The following ATXN10 variants were observed in gnomAD, a reference collection of about 807,000 sequenced individuals.
ATXN10 encodes ataxin-10.
Under a neutral mutation model 52.9 loss-of-function variants are expected in ATXN10, and 28 were observed. The ratio of observed to expected loss-of-function variants is 0.53; its 90% CI spans 0.39 to 0.73. ATXN10 has a LOEUF of 0.73. ATXN10 is among the 30% of genes least tolerant of loss of function. The pLI, the probability that ATXN10 is intolerant of heterozygous loss-of-function variation, is 0.00. For missense variants in ATXN10, 565 were observed against 577.0 expected, an observed-to-expected ratio of 0.98 and a Z score of 0.21; for synonymous variants, 226 against 221.5, an observed-to-expected ratio of 1.02 and a Z score of -0.18.
chr22:45,726,180 T>G (rs1257900786), intron 6 of ATXN10, among the ~76,000 whole-genome samples: 1 of 152,106 alleles, frequency 6.6e-6, no homozygotes, highest in Non-Finnish European at 1.5e-5. Flanking sequence ...GTGAATTAGG[T>G]TAGAGTTAGG....
In ATXN10 at chr22:45,835,031, A is replaced by C. The variant is rs1267721414; in HGVS notation, c.1238-7960A>C. On this transcript the variant is annotated intron_variant, in intron 10 of 11. Coordinates refer to ENST00000252934, the MANE Select transcript of ATXN10 (RefSeq NM_013236.4). The surrounding 1 kb of genome is among the most constrained non-coding windows in gnomAD (Gnocchi z 5.0). ...CTGCTTCGTACCACGCTTTGCTTTG[A>C]AGTGGTCAGTAAAATGATTCCAGAG... is the stretch of plus-strand genomic sequence containing the variant. Among the ~76,000 whole-genome samples the C allele has an allele frequency of 6.6e-6, 1 of 152,206 alleles. No individual in the cohort carries two copies. Among genetic ancestry groups the C allele is most frequent in the Non-Finnish European group, 1.5e-5 (1 of 68,036 alleles).
Position 45,823,272 on chromosome 22 carries a change from GT to G in ATXN10, c.1237+16251del. The G allele has an allele frequency of 2.2e-6, 1 of 462,050 alleles. No homozygotes were observed. The highest frequency in any genetic ancestry group is 4.5e-6 in the Non-Finnish European group (1 of 223,672). 28.6% of individuals were successfully genotyped at this position (462,050 alleles called of 1,614,324 possible). On this transcript the variant is annotated intron_variant, in intron 10 of 11. Transcript: ENST00000252934. This position sits in a 1 kb window ranked among gnomAD's most constrained non-coding sequence, Gnocchi z 4.9. ...ATGAATAAAAATTCCCAATTTTAAT[GT>G]AAAATTTATCAGTCTTTCCTTCTAT... is the stretch of plus-strand genomic sequence containing the variant.
chr22:45,760,551 C>T (rs1277912032), intron 9 of ATXN10: 3 of 153,912 alleles, frequency 1.9e-5, no homozygotes, highest in Non-Finnish European at 4.4e-5. Flanking sequence ...GATCAGAAGC[C>T]TTGATCAGAA....
rs911965416 is a variant in ATXN10, at chr22:45,795,297, T to G, written c.1174-11662T>G. Among the ~76,000 whole-genome samples, 1 of 152,214 alleles carries G rather than the reference T, an allele frequency of 6.6e-6. No individual in the cohort carries two copies. Among genetic ancestry groups the G allele is most frequent in the African/African-American group, 2.4e-5 (1 of 41,454 alleles). On this transcript the variant is annotated intron_variant, in intron 9 of 11. Transcript: ENST00000252934. This position sits in a 1 kb window ranked among gnomAD's most constrained non-coding sequence, Gnocchi z 4.6. ...GGCAGAATGATAAACTCAATCATGTTGATAAATATATTAAATGTAAATGGC... is the reference window on the plus strand; with the variant it reads ...GGCAGAATGATAAACTCAATCATGTGGATAAATATATTAAATGTAAATGGC...
Position 45,781,506 on chromosome 22 carries a change from G to A in ATXN10, c.1174-25453G>A, listed in dbSNP as rs1313209816. Among the ~76,000 whole-genome samples the A allele has an allele frequency of 6.6e-6, 1 of 152,192 alleles. No individual in the cohort carries two copies. The highest frequency in any genetic ancestry group is 1.5e-5 in the Non-Finnish European group (1 of 68,040). On this transcript the variant is annotated intron_variant, in intron 9 of 11. Coordinates refer to ENST00000252934, the MANE Select transcript of ATXN10 (RefSeq NM_013236.4). This position sits in a 1 kb window ranked among gnomAD's most constrained non-coding sequence, Gnocchi z 4.2. ...TTGAACGAGCTCTGCTAAAATAGGA[G>A]ACTTAAACTTAAGATTCAGTCTTCT...
chr22:45,703,219 A>G (rs1349128954), intron 5 of ATXN10, among the ~76,000 whole-genome samples: 1 of 152,222 alleles, frequency 6.6e-6, no homozygotes. Context: ...CCTTGTAAGC[A>G]TCTGTGCAGA....
In ATXN10 at chr22:45,844,702, A is replaced by G. The variant is rs1158539691; in HGVS notation, c.*1031A>G. 6.6e-6 allele frequency: 1 copy of G among 152,214 alleles called. No individual in the cohort carries two copies. Among genetic ancestry groups the G allele is most frequent in the Non-Finnish European group, 1.5e-5 (1 of 68,040 alleles). The allele number at this position is 152,214 out of a possible 1,614,324, so 9.4% of individuals were successfully genotyped here. A position where few individuals can be genotyped will look rare whatever the true frequency, so the allele number is the denominator to read the frequency against. Reference sequence around the variant, plus strand: ...AGCTCTAGGGGGAGGTCACGTTGTGAATGCTTAAAACATATTATTTTCTTC... The same window carrying G: ...AGCTCTAGGGGGAGGTCACGTTGTGGATGCTTAAAACATATTATTTTCTTC... On this transcript the variant is annotated 3_prime_UTR_variant, in exon 12 of 12. Transcript: ENST00000252934.
At position 45,824,644 on chromosome 22, in the gene ATXN10, G is replaced by A. The variant is rs1928759630; in HGVS notation, c.1237+17622G>A. Reference sequence around the variant, plus strand: ...AGTTGGGAACAATGACTTACAAAGTGCAGTAAACACATCACATATCCATGG... The same window carrying A: ...AGTTGGGAACAATGACTTACAAAGTACAGTAAACACATCACATATCCATGG... On this transcript the variant is annotated intron_variant, in intron 10 of 11. Coordinates refer to ENST00000252934, the MANE Select transcript of ATXN10 (RefSeq NM_013236.4). The surrounding 1 kb of genome is among the most constrained non-coding windows in gnomAD (Gnocchi z 5.2). Among the ~76,000 whole-genome samples, 1 of 152,218 alleles carries A rather than the reference G, an allele frequency of 6.6e-6. No individual in the cohort carries two copies. Among genetic ancestry groups the A allele is most frequent in the African/African-American group, 2.4e-5 (1 of 41,456 alleles).
At chr22:45,817,642 A>G (rs1340544180) in intron 10 of ATXN10, among the ~76,000 whole-genome samples, 1 of 150,014 alleles carries the variant, frequency 6.7e-6, no homozygotes, top group Non-Finnish European at 1.5e-5. Flanking sequence ...TTTTTTTTTT[A>G]AGTTGTATAG....
chr22:45,740,679 TACACAC>T lies in ATXN10; in HGVS notation c.1173+177_1173+182del, dbSNP rs74268525. ...TAGAGAGATATATATTTTATATGAA[TACACAC>T]ACACACACACACACACACACACACA... On this transcript the variant is annotated intron_variant, in intron 9 of 11. Coordinates refer to ENST00000252934, the MANE Select transcript of ATXN10 (RefSeq NM_013236.4). The T allele has an allele frequency of 0.46, 178,567 of 389,882 alleles. 35,148 individuals are homozygous for T. Among genetic ancestry groups the T allele is most frequent in the East Asian group, 0.51 (9,126 of 17,934 alleles). The allele number at this position is 389,882 out of a possible 1,614,324, so 24.2% of individuals were successfully genotyped here.
Position 45,774,048 on chromosome 22 carries a change from TCAGGTCTTG to T in ATXN10, c.1174-32907_1174-32899del, listed in dbSNP as rs1174972600. On this transcript the variant is annotated intron_variant, in intron 9 of 11. Transcript: ENST00000252934. This position sits in a 1 kb window ranked among gnomAD's most constrained non-coding sequence, Gnocchi z 6.2. ...ATGAAGCCATCAAAACAGCCCCTCT[TCAGGTCTTG>T]CAGACAGAAAGAACCATTTGATGCC... Among the ~76,000 whole-genome samples, 1 of 152,176 alleles carries T rather than the reference TCAGGTCTTG, an allele frequency of 6.6e-6. No homozygotes were observed. Among genetic ancestry groups the T allele is most frequent in the Non-Finnish European group, 1.5e-5 (1 of 68,030 alleles).
rs148992434 is a variant in ATXN10 at position 45,729,566 on chromosome 22, C to G, written c.870C>G (p.Ala290=). ...AGTGCAAGACTGTGCTCAAGCTGGCCTCTGAGGAGCCTCCTGATGATGAGG... is the reference window on the plus strand; with the variant it reads ...AGTGCAAGACTGTGCTCAAGCTGGCGTCTGAGGAGCCTCCTGATGATGAGG... ...VDQCKTVLKL[A]SEEPPDDEEA... The change falls in exon 7 of 12, where the codon GCC becomes GCG. Residue 290 remains alanine (A), a synonymous_variant. Transcript: ENST00000252934. 1.2e-6 allele frequency: 2 copies of G among 1,613,998 alleles called. No individual in the cohort carries two copies. Among genetic ancestry groups the G allele is most frequent in the African/African-American group, 2.7e-5 (2 of 74,906 alleles).
chr22:45,722,494 C>G (rs1924693450), intron 6 of ATXN10, among the ~76,000 whole-genome samples: 1 of 152,194 alleles, frequency 6.6e-6, no homozygotes, highest in South Asian at 2.1e-4. Flanking sequence ...TCATTTCTGA[C>G]TTTGACTGCT....
At chr22:45,778,946 T>A (rs1441358841) in intron 9 of ATXN10, among the ~76,000 whole-genome samples, 1 of 152,204 alleles carries the variant, frequency 6.6e-6, no homozygotes, top group Non-Finnish European at 1.5e-5. Context: ...GTGGAATGGA[T>A]ACAGAGTATC....
chr22:45,778,414 C>T (rs1386564133), intron 9 of ATXN10, among the ~76,000 whole-genome samples: 1 of 152,038 alleles, frequency 6.6e-6, no homozygotes, highest in East Asian at 1.9e-4. Context: ...TACATGCCTC[C>T]TAGGGAGGAT....
At position 45,696,543 on chromosome 22, in the gene ATXN10, C is replaced by T. The variant is rs1043442920; in HGVS notation, c.391+3465C>T. Among the ~76,000 whole-genome samples the T allele has an allele frequency of 5.9e-5, 9 of 152,242 alleles. No individual in the cohort carries two copies. The highest frequency in any genetic ancestry group is 1.9e-4 in the East Asian group (1 of 5,204). ...GTGCTGGATTTCATCGCCACTTGCC[C>T]ACGCAGAAGCTTTTCTCCTGAAATT... On this transcript the variant is annotated intron_variant, in intron 3 of 11. Transcript: ENST00000252934. This position sits in a 1 kb window ranked among gnomAD's most constrained non-coding sequence, Gnocchi z 4.7.
intron 6 of ATXN10, among the ~76,000 whole-genome samples, chr22:45,726,100 G>A (rs765380854): frequency 6.6e-6 from 1 of 152,066 alleles, no homozygotes; most frequent in Non-Finnish European, 1.5e-5. Flanking sequence ...CAGGGATATT[G>A]GTCTGTGGTT....
At chr22:45,674,007 A>C (rs1016612309) in intron 1 of ATXN10, 1 of 152,214 alleles carries the variant, frequency 6.6e-6, no homozygotes, top group African/African-American at 2.4e-5. Context: ...AAGAAGTTAC[A>C]GAGAACCATT....
At chr22:45,714,543 G>A (rs1337188073) in intron 5 of ATXN10, among the ~76,000 whole-genome samples, 2 of 151,796 alleles carry the variant, frequency 1.3e-5, no homozygotes, top group African/African-American at 4.8e-5. Context: ...ACCGCACCTG[G>A]CTGATTAATT....
Sources: allele counts gnomAD v4.1 joint callset (sites outside exome capture counted in the v4.1 genomes callset), GRCh38; gene constraint gnomAD v4.1.1; non-coding constraint Gnocchi (gnomAD v3.1); transcripts MANE v1.5; gene names NCBI Gene and HGNC (gene_info 2026-07-23, HGNC 2026-07-21).